The following CYP26B1 variants were observed in gnomAD, a reference collection of about 807,000 sequenced individuals.
CYP26B1 encodes the protein cytochrome P450 family 26 subfamily B member 1.
Under a neutral mutation model 39.1 loss-of-function variants are expected in CYP26B1, and 8 were observed. That is an observed-to-expected ratio of 0.20 (90% confidence interval 0.12 to 0.37). The LOEUF (loss-of-function observed/expected upper bound fraction) is 0.37. CYP26B1 is among the 10% of genes least tolerant of loss of function. CYP26B1 has a pLI of 1.00. For missense variants in CYP26B1, 615 were observed against 707.0 expected, an observed-to-expected ratio of 0.87 and a Z score of 1.48; for synonymous variants, 321 against 314.3, an observed-to-expected ratio of 1.02 and a Z score of -0.23.
At chr2:72,144,605 G>C in intron 1 of CYP26B1, 1 of 650,736 alleles carries the variant, frequency 1.5e-6, no homozygotes, top group South Asian at 6.9e-5. Flanking sequence ...ACGGGCTGGC[G>C]AGACCCCGCG....
intron 2 of CYP26B1, among the ~76,000 whole-genome samples, chr2:72,136,888 G>A (rs1195922610): frequency 6.6e-6 from 1 of 152,204 alleles, no homozygotes; most frequent in African/African-American, 2.4e-5. Context: ...ACCAGCGCTG[G>A]CCAATGAAGG....
Position 72,147,594 on chromosome 2 carries a change from CGGA to C in CYP26B1, c.204+34_204+36del. The C allele has an allele frequency of 1.3e-6, 2 of 1,575,626 alleles. No homozygotes were observed. The highest frequency in any genetic ancestry group is 1.7e-6 in the Non-Finnish European group (2 of 1,163,952). On this transcript the variant is annotated intron_variant, in intron 1 of 5. Transcript: ENST00000001146. The surrounding 1 kb of genome is among the most constrained non-coding windows in gnomAD (Gnocchi z 6.1). ...CCGTCTGCCCCGCGCTCGCAGCTAG[CGGA>C]CCCCGGAGTGCAGCGGAGCGAGCGC...
Position 72,132,107 on chromosome 2 carries a change from G to A in CYP26B1, c.*120C>T. 1.7e-6 allele frequency: 2 copies of A among 1,182,982 alleles called. No individual in the cohort carries two copies. Among genetic ancestry groups the A allele is most frequent in the Non-Finnish European group, 2.4e-6 (2 of 838,092 alleles). 73.3% of individuals were successfully genotyped at this position (1,182,982 alleles called of 1,614,324 possible). A position where few individuals can be genotyped will look rare whatever the true frequency, so the allele number is the denominator to read the frequency against. On this transcript the variant is annotated 3_prime_UTR_variant, in exon 6 of 6. Transcript: ENST00000001146. ...GGGTTTGCCAGGGAGGGGGAGCAAG[G>A]GAGGGCAAGTATGGGGGCCACTCGC...
chr2:72,139,907 G>A (rs1350886186), intron 2 of CYP26B1, among the ~76,000 whole-genome samples: 3 of 151,784 alleles, frequency 2.0e-5, no homozygotes, highest in Admixed American at 1.3e-4. Flanking sequence ...GAAGGGGATC[G>A]TCCTCTACGG....
At chr2:72,138,503 C>T (rs576245150) in intron 2 of CYP26B1, among the ~76,000 whole-genome samples, 142 of 152,336 alleles carry the variant, frequency 9.3e-4, no homozygotes, top group African/African-American at 3.2e-3. Flanking sequence ...TGACCACAGG[C>T]ATCGCAGGAG....
chr2:72,142,038 CG>C (rs1315262735), intron 2 of CYP26B1, among the ~76,000 whole-genome samples: 1 of 152,172 alleles, frequency 6.6e-6, no homozygotes, highest in African/African-American at 2.4e-5. Context: ...AGGGAGCCAT[CG>C]CGCCTCAGCC....
chr2:72,147,771 C>T lies in CYP26B1; in HGVS notation c.64G>A (p.Val22Met), dbSNP rs142156843. Residue 22 changes from valine to methionine, a missense_variant, in exon 1 of 6, where the codon GTG (valine) becomes ATG (methionine). Val to Met is a conservative substitution (Grantham distance 21). Transcript: ENST00000001146. This position sits in a 1 kb window ranked among gnomAD's most constrained non-coding sequence, Gnocchi z 6.1. ...TGCGACACGGCCAGCAGCAGCGTCACGGACACCAGGCACGCGGCGAGGGTG... is the reference window on the plus strand; with the variant it reads ...TGCGACACGGCCAGCAGCAGCGTCATGGACACCAGGCACGCGGCGAGGGTG... ...LATLAACLVSVTLLLAVSQQL... is the reference protein window; with the variant it reads ...LATLAACLVSMTLLLAVSQQL... The T allele has an allele frequency of 1.3e-6, 2 of 1,578,772 alleles. No homozygotes were observed. Among genetic ancestry groups the T allele is most frequent in the Admixed American group, 1.8e-5 (1 of 55,674 alleles).
In CYP26B1 at chr2:72,132,146, GC is replaced by G. The variant is rs912299293; in HGVS notation, c.*80del. 2.0e-6 allele frequency: 3 copies of G among 1,488,232 alleles called. No homozygotes were observed. Among genetic ancestry groups the G allele is most frequent in the African/African-American group, 2.8e-5 (2 of 71,844 alleles). The allele number at this position is 1,488,232 out of a possible 1,614,324, so 92.2% of individuals were successfully genotyped here. Reference sequence around the variant, plus strand: ...GGGGCCACTCGCCCTCCCCGTTCCGGCCCCCTCCCACACACAGGTTTCTACC... The same window carrying G: ...GGGGCCACTCGCCCTCCCCGTTCCGGCCCCTCCCACACACAGGTTTCTACC... On this transcript the variant is annotated 3_prime_UTR_variant, in exon 6 of 6. Coordinates refer to ENST00000001146, the MANE Select transcript of CYP26B1 (RefSeq NM_019885.4).
chr2:72,134,712 T>C, intron 4 of CYP26B1, 49 bp downstream of exon 4: 3 of 1,581,628 alleles, frequency 1.9e-6, no homozygotes, highest in Non-Finnish European at 2.6e-6. Context: ...AAGCTCAGAA[T>C]GGAGCCTGGG....
At position 72,132,146 on chromosome 2, in the gene CYP26B1, G is replaced by A; in HGVS notation, c.*81C>T. ...GGGGCCACTCGCCCTCCCCGTTCCG[G>A]CCCCCTCCCACACACAGGTTTCTAC... On this transcript the variant is annotated 3_prime_UTR_variant, in exon 6 of 6. Coordinates refer to ENST00000001146, the MANE Select transcript of CYP26B1 (RefSeq NM_019885.4). 1 of 1,488,356 alleles carries A rather than the reference G, an allele frequency of 6.7e-7. No individual in the cohort carries two copies. The highest frequency in any genetic ancestry group is 9.1e-7 in the Non-Finnish European group (1 of 1,094,096). 92.2% of individuals were successfully genotyped at this position (1,488,356 alleles called of 1,614,324 possible).
chr2:72,132,366 G>A lies in CYP26B1; in HGVS notation c.1400C>T (p.Ala467Val). ...GGTGATGCGGGGGAAGGTCCGTGTGGCCAGCTCAAAGCGGCTGGTGCTAGC... is the reference window on the plus strand; with the variant it reads ...GGTGATGCGGGGGAAGGTCCGTGTGACCAGCTCAAAGCGGCTGGTGCTAGC... Reference protein sequence around the residue: ...ELASTSRFELATRTFPRITLV... With the variant: ...ELASTSRFELVTRTFPRITLV... The change falls in exon 6 of 6, where the codon GCC becomes GTC. Residue 467 changes from alanine to valine, a missense_variant. Physicochemically the swap from Ala to Val is moderately conservative, Grantham distance 64 (BLOSUM62 0). Transcript: ENST00000001146. 1 of 1,611,580 alleles carries A rather than the reference G, an allele frequency of 6.2e-7. No individual in the cohort carries two copies. The highest frequency in any genetic ancestry group is 8.5e-7 in the Non-Finnish European group (1 of 1,178,320).
At chr2:72,139,558 T>C (rs577168046) in intron 2 of CYP26B1, among the ~76,000 whole-genome samples, 1 of 152,260 alleles carries the variant, frequency 6.6e-6, no homozygotes, top group Non-Finnish European at 1.5e-5. Context: ...CCAGCTGTGA[T>C]CATCTCACCT....
chr2:72,146,936 C>T (rs982371254), intron 1 of CYP26B1, among the ~76,000 whole-genome samples: 1 of 152,154 alleles, frequency 6.6e-6, no homozygotes, highest in Non-Finnish European at 1.5e-5. Flanking sequence ...CTCTATGGAT[C>T]CCACACTCAC....
In CYP26B1 at chr2:72,135,309, G is replaced by A. The variant is rs139916221; in HGVS notation, c.540C>T (p.Asn180=). 712 of 1,614,088 alleles carry A rather than the reference G, an allele frequency of 4.4e-4. 1 individual carries two copies. Among genetic ancestry groups the A allele is most frequent in the Non-Finnish European group, 5.5e-4 (649 of 1,180,040 alleles). Residue 180 remains asparagine (N), a synonymous_variant, in exon 3 of 6, where the codon AAC becomes AAT. Coordinates refer to ENST00000001146, the MANE Select transcript of CYP26B1 (RefSeq NM_019885.4). Reference sequence around the variant, plus strand: ...TCAGCTTCTGCGCCTCCTGGTACACGTTGATGGCCTCGGGGTGGCTGCTCC... The same window carrying A: ...TCAGCTTCTGCGCCTCCTGGTACACATTGATGGCCTCGGGGTGGCTGCTCC... ...RAWSSHPEAI[N]VYQEAQKLTF...
chr2:72,143,564 A>G (rs1677018224), intron 2 of CYP26B1, among the ~76,000 whole-genome samples: 2 of 152,190 alleles, frequency 1.3e-5, no homozygotes, highest in African/African-American at 2.4e-5. Context: ...ACTCCCTTCA[A>G]GCAGCCTGTG....
intron 5 of CYP26B1, 133 bp downstream of exon 5, chr2:72,132,890 A>C: frequency 6.8e-7 from 1 of 1,474,664 alleles, no homozygotes; most frequent in Non-Finnish European, 9.2e-7. Context: ...CATCGGACTG[A>C]AAGCTCCCTG....
rs1677142343 is a variant in CYP26B1 at position 72,147,104 on chromosome 2, G to C, written c.204+527C>G. Among the ~76,000 whole-genome samples the C allele has an allele frequency of 6.6e-6, 1 of 152,210 alleles. No homozygotes were observed. The highest frequency in any genetic ancestry group is 1.5e-5 in the Non-Finnish European group (1 of 68,024). On this transcript the variant is annotated intron_variant, in intron 1 of 5. Coordinates refer to ENST00000001146, the MANE Select transcript of CYP26B1 (RefSeq NM_019885.4). The surrounding 1 kb of genome is among the most constrained non-coding windows in gnomAD (Gnocchi z 6.1). The stretch of plus-strand genomic sequence containing the variant: ...ACACACTCGCGCGGACCGCGGACCA[G>C]GGACACTGTACCTGGCGCTGCCGAC...
intron 2 of CYP26B1, among the ~76,000 whole-genome samples, chr2:72,139,782 A>G (rs1289703216): frequency 6.6e-6 from 1 of 152,210 alleles, no homozygotes; most frequent in Non-Finnish European, 1.5e-5. Flanking sequence ...CACAGTCCAG[A>G]GCGTGGCTGG....
chr2:72,144,316 C>T (rs1372477738), intron 1 of CYP26B1, 103 bp from the exon 2 acceptor site: 17 of 1,512,338 alleles, frequency 1.1e-5, no homozygotes, highest in South Asian at 6.5e-5. Flanking sequence ...CCTGCCCCCT[C>T]TCCCCACCAA....
Sources: gnomAD v4.1 joint callset for allele counts (sites outside exome capture counted in the v4.1 genomes callset) on GRCh38, gnomAD v4.1.1 for gene constraint, Gnocchi (gnomAD v3.1) non-coding constraint, MANE v1.5 for transcripts, NCBI Gene and HGNC (gene_info 2026-07-23, HGNC 2026-07-21) for gene names.